The following FBXO33 variants were observed in gnomAD, a reference collection of about 807,000 sequenced individuals.
FBXO33 encodes F-box only protein 33.
In FBXO33, 22 loss-of-function variants were observed where a neutral mutation model predicts 46.3. That is an observed-to-expected ratio of 0.48 (90% CI 0.34 to 0.68). FBXO33 has a LOEUF of 0.68. Among genes scored for constraint, FBXO33 ranks in the 30% least tolerant of loss-of-function variants. The pLI is 0.01. For missense variants in FBXO33, 692 were observed against 708.8 expected (o/e 0.98, Z 0.27); for synonymous variants, 337 against 291.3 (o/e 1.16, Z -1.60).
In FBXO33 at chr14:39,432,412, T is replaced by A. The variant is rs943942441; in HGVS notation, c.-250A>T. ...GAAAAGGCAGCCCTCCCTGCGCCGGTCGGCAGAGACAGAGAAGTGGTAGGA... is the reference window on the plus strand; with the variant it reads ...GAAAAGGCAGCCCTCCCTGCGCCGGACGGCAGAGACAGAGAAGTGGTAGGA... On this transcript the variant is annotated 5_prime_UTR_variant, in exon 1 of 4. Transcript: ENST00000298097. 1.5e-4 allele frequency: 36 copies of A among 237,272 alleles called. No homozygotes were observed. Among genetic ancestry groups the A allele is most frequent in the Non-Finnish European group, 2.5e-4 (31 of 124,008 alleles). The allele number at this position is 237,272 out of a possible 1,614,324, so 14.7% of individuals were successfully genotyped here.
intron 1 of FBXO33, among the ~76,000 whole-genome samples, chr14:39,427,907 T>C (rs1231557965): frequency 2.0e-5 from 3 of 152,164 alleles, no homozygotes; most frequent in South Asian, 2.1e-4. Context: ...ATGATCATGA[T>C]TGCTCCATCC....
At chr14:39,409,695 T>C (rs1168314528) in intron 1 of FBXO33, among the ~76,000 whole-genome samples, 1 of 152,228 alleles carries the variant, frequency 6.6e-6, no homozygotes, top group East Asian at 1.9e-4. Context: ...ATACTATTTC[T>C]TCCAGTCATG....
chr14:39,426,906 G>A (rs1372119778), intron 1 of FBXO33, among the ~76,000 whole-genome samples: 1 of 151,952 alleles, frequency 6.6e-6, no homozygotes, highest in Non-Finnish European at 1.5e-5. Flanking sequence ...TCTTTCCTTT[G>A]TCTACTTGTT....
At chr14:39,419,787 C>G (rs1025905745) in intron 1 of FBXO33, among the ~76,000 whole-genome samples, 2 of 152,306 alleles carry the variant, frequency 1.3e-5, no homozygotes, top group Middle Eastern at 3.4e-3. Context: ...TTACAGTTGG[C>G]TAGAAAGTTT....
intron 1 of FBXO33, among the ~76,000 whole-genome samples, chr14:39,405,341 G>A (rs1388652429): frequency 6.6e-6 from 1 of 152,074 alleles, no homozygotes; most frequent in Admixed American, 6.6e-5. Context: ...ACATATCAGA[G>A]GTAAAATGGA....
intron 1 of FBXO33, among the ~76,000 whole-genome samples, chr14:39,415,079 T>TG (rs1188724715): frequency 6.6e-6 from 1 of 152,206 alleles, no homozygotes; most frequent in Non-Finnish European, 1.5e-5. Flanking sequence ...GTGTGGTTCG[T>TG]GGGGCACCAA....
intron 1 of FBXO33, among the ~76,000 whole-genome samples, chr14:39,410,311 TTC>T (rs1227891188): frequency 3.3e-5 from 5 of 152,216 alleles, no homozygotes; most frequent in African/African-American, 1.2e-4. Context: ...TTTTTATCCA[TTC>T]TGTTACAATG....
At position 39,402,706 on chromosome 14, in the gene FBXO33, G is replaced by T. The variant is rs1444740418; in HGVS notation, c.600-195C>A. Among the ~76,000 whole-genome samples, 3 of 139,566 alleles carry T rather than the reference G, an allele frequency of 2.1e-5. 1 individual carries two copies. In the South Asian group the frequency reaches 6.8e-4, roughly 32 times the overall value. 91.6% of individuals were successfully genotyped at this position (139,566 alleles called of 152,430 possible). A position where few individuals can be genotyped will look rare whatever the true frequency, so the allele number is the denominator to read the frequency against. ...TTTTTTTTTTTTTTTTTTTTGAGAC[G>T]GAGTCTTGCTCTGTCACCCAGGCTG... On this transcript the variant is annotated intron_variant, in intron 1 of 3. Transcript: ENST00000298097.
At chr14:39,426,516 G>A (rs2075515908) in intron 1 of FBXO33, among the ~76,000 whole-genome samples, 1 of 152,150 alleles carries the variant, frequency 6.6e-6, no homozygotes. Context: ...TTTTTTCAGT[G>A]ACTTCTTCTA....
intron 3 of FBXO33, 55 bp downstream of exon 3, chr14:39,401,121 G>A: frequency 6.7e-7 from 1 of 1,487,458 alleles, no homozygotes; most frequent in Non-Finnish European, 9.0e-7. Flanking sequence ...TTTACTGGCA[G>A]AAAATGTTTT....
intron 1 of FBXO33, among the ~76,000 whole-genome samples, chr14:39,414,425 T>C (rs150182049): frequency 1.8e-3 from 271 of 152,366 alleles, no homozygotes; most frequent in Non-Finnish European, 3.1e-3. Flanking sequence ...TTCCCTTTCT[T>C]ATCACTCATG....
chr14:39,427,239 TAA>T (rs2075520465), intron 1 of FBXO33, among the ~76,000 whole-genome samples: 1 of 152,224 alleles, frequency 6.6e-6, no homozygotes, highest in African/African-American at 2.4e-5. Context: ...AGCTGTGGAA[TAA>T]AAAGTCCTAA....
intron 1 of FBXO33, among the ~76,000 whole-genome samples, chr14:39,410,694 A>T (rs1024514146): frequency 2.6e-5 from 4 of 151,934 alleles, no homozygotes; most frequent in African/African-American, 7.2e-5. Context: ...ATAATTATGG[A>T]TTCACTCTCA....
At chr14:39,400,730 A>G (rs1036625335) in intron 3 of FBXO33, among the ~76,000 whole-genome samples, 3 of 152,240 alleles carry the variant, frequency 2.0e-5, no homozygotes, top group African/African-American at 4.8e-5. Flanking sequence ...TGAAAGAAGC[A>G]TATCAATGGA....
At chr14:39,408,423 T>G (rs2075408350) in intron 1 of FBXO33, among the ~76,000 whole-genome samples, 1 of 152,150 alleles carries the variant, frequency 6.6e-6, no homozygotes, top group African/African-American at 2.4e-5. Flanking sequence ...TTAGGTTAAA[T>G]TTGTTATTTT....
chr14:39,417,614 T>A (rs1448665992), intron 1 of FBXO33, among the ~76,000 whole-genome samples: 1 of 151,982 alleles, frequency 6.6e-6, no homozygotes, highest in Admixed American at 6.5e-5. Flanking sequence ...CACTGCAACC[T>A]CCACCTCCTG....
intron 1 of FBXO33, among the ~76,000 whole-genome samples, chr14:39,414,163 T>C (rs2075436732): frequency 6.6e-6 from 1 of 152,236 alleles, no homozygotes; most frequent in Non-Finnish European, 1.5e-5. Flanking sequence ...AACTAGATCT[T>C]CTGCAGCTTC....
intron 1 of FBXO33, among the ~76,000 whole-genome samples, chr14:39,411,526 C>T (rs949196671): frequency 6.6e-6 from 1 of 150,774 alleles, no homozygotes; most frequent in Non-Finnish European, 1.5e-5. Flanking sequence ...ACTTCCCCCC[C>T]CTTTTTTTTT....
In FBXO33 at chr14:39,402,381, C is replaced by A; in HGVS notation, c.710+20G>T. Reference sequence around the variant, plus strand: ...TATTATTAATAGTACAACCTCCTTTCCATTAACCATATAACTTACTGTTTA... The same window carrying A: ...TATTATTAATAGTACAACCTCCTTTACATTAACCATATAACTTACTGTTTA... On this transcript the variant is annotated intron_variant, in intron 2 of 3. Transcript: ENST00000298097. 7.5e-7 allele frequency: 1 copy of A among 1,333,694 alleles called. No homozygotes were observed. The highest frequency in any genetic ancestry group is 1.0e-6 in the Non-Finnish European group (1 of 961,318). 82.6% of individuals were successfully genotyped at this position (1,333,694 alleles called of 1,614,324 possible).
Sources: allele counts gnomAD v4.1 joint callset (sites outside exome capture counted in the v4.1 genomes callset), GRCh38; gene constraint gnomAD v4.1.1; transcripts MANE v1.5; gene names NCBI Gene and HGNC (gene_info 2026-07-23, HGNC 2026-07-21).